Variants in ARNT2 observed in about 807,000 individuals in gnomAD.
ARNT2 encodes aryl hydrocarbon receptor nuclear translocator 2.
A neutral mutation model predicts 91.7 loss-of-function variants in ARNT2; 36 were observed. The observed-to-expected ratio is 0.39, with a 90% CI of 0.30 to 0.52. The LOEUF is 0.52. ARNT2 is among the 20% of genes least tolerant of loss of function. ARNT2 has a pLI of 0.72. For missense variants in ARNT2, 775 were observed against 939.3 expected (o/e 0.83, Z 2.29); for synonymous variants, 365 against 347.1 (o/e 1.05, Z -0.57).
At chr15:80,476,986 G>A (rs369572672) in intron 5 of ARNT2, among the ~76,000 whole-genome samples, 5 of 152,288 alleles carry the variant, frequency 3.3e-5, no homozygotes, top group East Asian at 3.9e-4. Flanking sequence ...TCCTGCTCTC[G>A]TGATAGTGAG....
At chr15:80,526,978 C>A (rs1448139626) in intron 8 of ARNT2, among the ~76,000 whole-genome samples, 1 of 152,210 alleles carries the variant, frequency 6.6e-6, no homozygotes, top group African/African-American at 2.4e-5. Flanking sequence ...CAGCCCCCAG[C>A]CATCCCACCC....
In ARNT2 at chr15:80,596,273, T is replaced by A. The variant is rs922024896; in HGVS notation, c.*2575T>A. The A allele has an allele frequency of 2.0e-5, 3 of 152,172 alleles. No homozygotes were observed. The highest frequency in any genetic ancestry group is 4.4e-5 in the Non-Finnish European group (3 of 68,056). 9.4% of individuals were successfully genotyped at this position (152,172 alleles called of 1,614,324 possible). A position where few individuals can be genotyped will look rare whatever the true frequency, so the allele number is the denominator to read the frequency against. On this transcript the variant is annotated 3_prime_UTR_variant, in exon 19 of 19. Coordinates refer to ENST00000303329, the MANE Select transcript of ARNT2 (RefSeq NM_014862.4). ...AGACCTGATGGGGAGGCATTATGAC[T>A]AAATAGGCCCAGCCTCCTTCCCTTC...
chr15:80,551,221 C>A lies in ARNT2; in HGVS notation c.900C>A (p.Asp300Glu). The A allele has an allele frequency of 3.1e-6, 5 of 1,613,948 alleles. No homozygotes were observed. The highest frequency in any genetic ancestry group is 4.2e-6 in the Non-Finnish European group (5 of 1,179,848). ...PPAGMTIPEE[D>E]ADVGQGSKYC... Reference sequence around the variant, plus strand: ...CAGGAATGACCATACCTGAAGAAGACGCTGATGTGGGACAAGGCAGTAAAT... The same window carrying A: ...CAGGAATGACCATACCTGAAGAAGAAGCTGATGTGGGACAAGGCAGTAAAT... The change falls in exon 9 of 19, where the codon GAC becomes GAA. Residue 300 changes from aspartate (D) to glutamate (E), a missense_variant. Around this residue, in one of 5 missense-constraint regions of ARNT2, gnomAD observed 285 missense variants for 327.2 expected, o/e 0.87. Transcript: ENST00000303329.
At chr15:80,479,440 T>C (rs1896853718) in intron 5 of ARNT2, among the ~76,000 whole-genome samples, 1 of 152,158 alleles carries the variant, frequency 6.6e-6, no homozygotes. Flanking sequence ...GGAGAGAGAA[T>C]GGGTGAAGCC....
In ARNT2 at chr15:80,458,212, A is replaced by G. The variant is rs890821111; in HGVS notation, c.194+236A>G. Among the ~76,000 whole-genome samples the G allele has an allele frequency of 6.1e-4, 93 of 152,288 alleles. 2 individuals carry two copies. The highest frequency in any genetic ancestry group is 4.6e-4 in the Admixed American group (7 of 15,302). ...AAGTTATTAACTCTGTTTGCTTTAT[A>G]AGAAATTAATGTCAATTTTAAGGAT... is the stretch of plus-strand genomic sequence containing the variant. On this transcript the variant is annotated intron_variant, in intron 3 of 18. Coordinates refer to ENST00000303329, the MANE Select transcript of ARNT2 (RefSeq NM_014862.4).
chr15:80,565,564 T>G (rs569852242), intron 12 of ARNT2, among the ~76,000 whole-genome samples: 1 of 151,500 alleles, frequency 6.6e-6, no homozygotes, highest in East Asian at 2.0e-4. Flanking sequence ...TTTTTACTAA[T>G]AGCCATTCTA....
At chr15:80,475,414 G>T in intron 5 of ARNT2, 191 bp downstream of exon 5, 1 of 531,776 alleles carries the variant, frequency 1.9e-6, no homozygotes, top group East Asian at 3.9e-5. Flanking sequence ...CAAAAAATTT[G>T]CCAGGCGTGG....
chr15:80,429,219 T>G (rs1478801100), intron 1 of ARNT2, among the ~76,000 whole-genome samples: 4 of 152,166 alleles, frequency 2.6e-5, no homozygotes, highest in African/African-American at 9.7e-5. Context: ...CTGGGGCCCC[T>G]AGACAGCTTC....
intron 8 of ARNT2, among the ~76,000 whole-genome samples, chr15:80,541,250 A>C (rs1189763709): frequency 6.6e-6 from 1 of 152,006 alleles, no homozygotes; most frequent in Non-Finnish European, 1.5e-5. Context: ...GATGTTGAGC[A>C]TTTTTTCATG....
At chr15:80,592,491 A>G (rs1390417686) in intron 18 of ARNT2, among the ~76,000 whole-genome samples, 1 of 152,190 alleles carries the variant, frequency 6.6e-6, no homozygotes, top group Non-Finnish European at 1.5e-5. Context: ...AGGGGCAGGA[A>G]CCACATCGTG....
intron 1 of ARNT2, among the ~76,000 whole-genome samples, chr15:80,423,928 T>G (rs980197575): frequency 7.2e-5 from 11 of 152,222 alleles, no homozygotes; most frequent in African/African-American, 2.7e-4. Context: ...TGGCTTCAAG[T>G]AAAGATCCAA....
At chr15:80,448,902 G>A (rs1174172199) in intron 1 of ARNT2, among the ~76,000 whole-genome samples, 5 of 152,064 alleles carry the variant, frequency 3.3e-5, no homozygotes, top group Admixed American at 6.6e-5. Flanking sequence ...GGAGAATGGC[G>A]TGAACCCGGG....
rs142134604 is a variant in ARNT2, at chr15:80,426,058, C to CGAAAA, written c.31+21537_31+21541dup. Among the ~76,000 whole-genome samples, 1,414 of 149,760 alleles carry CGAAAA rather than the reference C, an allele frequency of 9.4e-3. 23 individuals are homozygous for CGAAAA. Among genetic ancestry groups the CGAAAA allele is most frequent in the African/African-American group, 0.029 (1,184 of 40,366 alleles). ...CATGGGCAACAGAGGAAGACTGTCT[C>CGAAAA]GAAAAGAAAAGAAAAGAAAAGAAAA... On this transcript the variant is annotated intron_variant, in intron 1 of 18. Transcript: ENST00000303329.
chr15:80,501,960 C>G (rs910187631), intron 5 of ARNT2, among the ~76,000 whole-genome samples: 1 of 152,182 alleles, frequency 6.6e-6, no homozygotes, highest in Non-Finnish European at 1.5e-5. Context: ...CTTTGTACAT[C>G]AAACCCAGAA....
intron 11 of ARNT2, among the ~76,000 whole-genome samples, chr15:80,560,584 G>A (rs777595301): frequency 6.6e-6 from 1 of 152,146 alleles, no homozygotes; most frequent in African/African-American, 2.4e-5. Context: ...ACTGTCTCGG[G>A]CGTTCTAGTT....
intron 4 of ARNT2, 80 bp from the exon 5 acceptor site, chr15:80,474,930 A>G (rs1896778461): frequency 2.4e-5 from 34 of 1,391,872 alleles, no homozygotes; most frequent in Non-Finnish European, 3.4e-5. Context: ...AAGGAAATTG[A>G]AGGCTGCTTT....
At position 80,597,173 on chromosome 15, in the gene ARNT2, C is replaced by T. The variant is rs1485468498; in HGVS notation, c.*3475C>T. Reference sequence around the variant, plus strand: ...AACATCAGTGTCCTTCTAGCTTTAGCCGAGAAAGAAACCAGTCCCAGGGAA... The same window carrying T: ...AACATCAGTGTCCTTCTAGCTTTAGTCGAGAAAGAAACCAGTCCCAGGGAA... On this transcript the variant is annotated 3_prime_UTR_variant, in exon 19 of 19. Coordinates refer to ENST00000303329, the MANE Select transcript of ARNT2 (RefSeq NM_014862.4). 3.9e-6 allele frequency: 2 copies of T among 518,438 alleles called. No homozygotes were observed. Among genetic ancestry groups the T allele is most frequent in the Non-Finnish European group, 7.7e-6 (2 of 259,852 alleles). The allele number at this position is 518,438 out of a possible 1,614,324, so 32.1% of individuals were successfully genotyped here. A position where few individuals can be genotyped will look rare whatever the true frequency, so the allele number is the denominator to read the frequency against.
chr15:80,501,558 T>G (rs79927317), intron 5 of ARNT2, among the ~76,000 whole-genome samples: 2,989 of 152,334 alleles, frequency 0.02, 86 homozygotes, highest in African/African-American at 0.067. Context: ...TATTCAATCT[T>G]GTAGCCTGAG....
At chr15:80,517,431 G>GGTTT (rs1161648229) in intron 8 of ARNT2, among the ~76,000 whole-genome samples, 6 of 151,896 alleles carry the variant, frequency 4.0e-5, no homozygotes, top group South Asian at 2.1e-4. Flanking sequence ...AATATAGAGG[G>GGTTT]GTTTGTTTGT....
Sources: gnomAD v4.1 joint callset for allele counts (sites outside exome capture counted in the v4.1 genomes callset) on GRCh38, gnomAD v4.1.1 for gene constraint, gnomAD v4.1.1 regional missense constraint, MANE v1.5 for transcripts, NCBI Gene and HGNC (gene_info 2026-07-23, HGNC 2026-07-21) for gene names.